The following TNIK variants were observed in gnomAD, a reference collection of about 807,000 sequenced individuals.
The protein encoded by TNIK is TRAF2 and NCK interacting kinase, also known as TRAF2 and NCK-interacting protein kinase.
A neutral mutation model predicts 191.3 loss-of-function variants in TNIK; 49 were observed. The observed-to-expected ratio is 0.26, with a 90% CI of 0.20 to 0.32. The LOEUF is 0.32. TNIK is among the 10% of genes least tolerant of loss of function. The probability of loss-of-function intolerance (pLI) is 1.00; values close to 1 mark genes in which losing one functional copy is unlikely to be tolerated. For missense variants in TNIK, 1,155 were observed against 1,702.3 expected (o/e 0.68, Z 5.66); for synonymous variants, 594 against 600.9 (o/e 0.99, Z 0.17).
intron 2 of TNIK, among the ~76,000 whole-genome samples, chr3:171,231,087 GGACACCTC>G (rs1743565651): frequency 6.6e-6 from 1 of 152,182 alleles, no homozygotes; most frequent in Non-Finnish European, 1.5e-5. Flanking sequence ...TTTGTTACAA[GGACACCTC>G]AACACCTAGT....
chr3:171,432,899 AACAATGAGTTGT>A (rs1279424359), intron 1 of TNIK, among the ~76,000 whole-genome samples: 1 of 152,168 alleles, frequency 6.6e-6, no homozygotes, highest in Non-Finnish European at 1.5e-5. Flanking sequence ...ATCCTTGAAA[AACAATGAGTTGT>A]ACTTAATATC....
At chr3:171,328,200 G>A (rs1403756988) in intron 2 of TNIK, among the ~76,000 whole-genome samples, 2 of 152,034 alleles carry the variant, frequency 1.3e-5, no homozygotes, top group African/African-American at 4.8e-5. Context: ...CATTACCCTT[G>A]TGAGGACACA....
intron 2 of TNIK, among the ~76,000 whole-genome samples, chr3:171,331,917 CTT>C (rs1436547849): frequency 1.3e-5 from 2 of 152,038 alleles, no homozygotes; most frequent in Non-Finnish European, 2.9e-5. Context: ...TTTAAAGTAA[CTT>C]ATTCTAATTT....
chr3:171,292,305 T>C (rs781759082), intron 2 of TNIK, among the ~76,000 whole-genome samples: 1 of 152,238 alleles, frequency 6.6e-6, no homozygotes, highest in African/African-American at 2.4e-5. Context: ...CTAAACATTA[T>C]GAATATTGTT....
chr3:171,137,108 C>CTTTTTTTTTTT (rs71176593), intron 15 of TNIK, among the ~76,000 whole-genome samples: 5 of 104,162 alleles, frequency 4.8e-5, no homozygotes, highest in Admixed American at 1.1e-4. Context: ...TTTAAAAATC[C>CTTTTTTTTTTT]TTTTTTTTTT....
At chr3:171,381,498 AG>A (rs1439019201) in intron 1 of TNIK, among the ~76,000 whole-genome samples, 7 of 152,192 alleles carry the variant, frequency 4.6e-5, no homozygotes, top group Admixed American at 2.6e-4. Context: ...GGAAAATGAC[AG>A]TGTATAGAGC....
In TNIK at chr3:171,159,033, G is replaced by A. The variant is rs1350624060; in HGVS notation, c.1017-1369C>T. On this transcript the variant is annotated intron_variant, in intron 11 of 32. Transcript: ENST00000436636. The surrounding 1 kb of genome is among the most constrained non-coding windows in gnomAD (Gnocchi z 4.1). ...GTCAGAGAGATAGGTGCGGGGCCGC[G>A]ACAGCCATGCAGGCACGGGAAGGTT... 6.6e-6 allele frequency among the ~76,000 whole-genome samples: 1 copy of A among 152,164 alleles called. No homozygotes were observed. The highest frequency in any genetic ancestry group is 1.5e-5 in the Non-Finnish European group (1 of 68,030).
chr3:171,119,802 T>C (rs1727373779), intron 18 of TNIK, among the ~76,000 whole-genome samples: 1 of 150,500 alleles, frequency 6.6e-6, no homozygotes, highest in Non-Finnish European at 1.5e-5. Context: ...TGTTGTGGGG[T>C]TGGGGGGAGG....
intron 15 of TNIK, among the ~76,000 whole-genome samples, chr3:171,137,960 A>G (rs1227298465): frequency 8.2e-6 from 1 of 122,272 alleles, no homozygotes; most frequent in African/African-American, 3.4e-5. Flanking sequence ...TGCAACCACA[A>G]AGATATACAA....
intron 13 of TNIK, 85 bp from the exon 14 acceptor site, chr3:171,139,641 TAAGTA>T: frequency 7.5e-7 from 1 of 1,336,906 alleles, no homozygotes. Flanking sequence ...CAAGAGCCGC[TAAGTA>T]AAGTGTAGAA....
chr3:171,347,044 A>G lies in TNIK; in HGVS notation c.123+22576T>C, dbSNP rs773068326. On this transcript the variant is annotated intron_variant, in intron 2 of 32. Coordinates refer to ENST00000436636, the MANE Select transcript of TNIK (RefSeq NM_015028.4). ...GCAGGCGTTCATATGAGAGATGTGCAATGCCTGTGCTAGGACAGTGGTGGC... is the reference window on the plus strand; with the variant it reads ...GCAGGCGTTCATATGAGAGATGTGCGATGCCTGTGCTAGGACAGTGGTGGC... The G allele has an allele frequency of 9.7e-6, 12 of 1,241,884 alleles. No individual in the cohort carries two copies. In the Middle Eastern group the frequency reaches 7.7e-4, roughly 80 times the overall value. 76.9% of individuals were successfully genotyped at this position (1,241,884 alleles called of 1,614,324 possible). A position where few individuals can be genotyped will look rare whatever the true frequency, so the allele number is the denominator to read the frequency against.
intron 17 of TNIK, among the ~76,000 whole-genome samples, chr3:171,125,053 G>A (rs897180213): frequency 5.3e-5 from 8 of 152,114 alleles, no homozygotes; most frequent in African/African-American, 4.8e-5. Context: ...GGAAGATGAG[G>A]AAATGTATTT....
In TNIK at chr3:171,460,267, C is replaced by T; in HGVS notation, c.-204G>A. The stretch of plus-strand genomic sequence containing the variant: ...CCGCCGGGTCCGGGAGCCCAGCCTG[C>T]GCGGATCTCCAAGCCCCGAGCAGCG... On this transcript the variant is annotated 5_prime_UTR_variant, in exon 1 of 33. Coordinates refer to ENST00000436636, the MANE Select transcript of TNIK (RefSeq NM_015028.4). This position sits in a 1 kb window ranked among gnomAD's most constrained non-coding sequence, Gnocchi z 6.8. 1 of 644,840 alleles carries T rather than the reference C, an allele frequency of 1.6e-6. No individual in the cohort carries two copies. The allele number at this position is 644,840 out of a possible 1,614,324, so 39.9% of individuals were successfully genotyped here.
At chr3:171,251,188 G>A (rs1746179447) in intron 2 of TNIK, among the ~76,000 whole-genome samples, 1 of 152,198 alleles carries the variant, frequency 6.6e-6, no homozygotes, top group South Asian at 2.1e-4. Context: ...GGGAAGAACA[G>A]CAGATACAGA....
intron 1 of TNIK, among the ~76,000 whole-genome samples, chr3:171,425,390 G>T (rs1251389890): frequency 6.6e-6 from 1 of 152,118 alleles, no homozygotes; most frequent in Non-Finnish European, 1.5e-5. Flanking sequence ...ACTATCTACA[G>T]ATTTATTTAC....
intron 2 of TNIK, among the ~76,000 whole-genome samples, chr3:171,230,023 G>C (rs964899794): frequency 2.0e-5 from 3 of 152,160 alleles, no homozygotes; most frequent in Non-Finnish European, 4.4e-5. Context: ...TGGGCTCAGT[G>C]GTTAGTAGAG....
intron 2 of TNIK, among the ~76,000 whole-genome samples, chr3:171,348,995 C>A: frequency 6.7e-6 from 1 of 149,066 alleles, no homozygotes. Flanking sequence ...AAATATTAAG[C>A]AAAAAGACTG....
intron 2 of TNIK, among the ~76,000 whole-genome samples, chr3:171,326,061 G>A (rs1193904138): frequency 6.6e-6 from 1 of 152,146 alleles, no homozygotes; most frequent in Non-Finnish European, 1.5e-5. Flanking sequence ...AGCATGTTAT[G>A]TGGCAGGGAA....
At chr3:171,303,761 G>A (rs997485419) in intron 2 of TNIK, among the ~76,000 whole-genome samples, 3 of 152,074 alleles carry the variant, frequency 2.0e-5, no homozygotes, top group Admixed American at 1.3e-4. Flanking sequence ...AAAGCTACTA[G>A]GTATGAGTAA....
Sources: allele counts gnomAD v4.1 joint callset (sites outside exome capture counted in the v4.1 genomes callset), GRCh38; gene constraint gnomAD v4.1.1; non-coding constraint Gnocchi (gnomAD v3.1); transcripts MANE v1.5; gene names NCBI Gene and HGNC (gene_info 2026-07-23, HGNC 2026-07-21).